PSMD14: variants seen among roughly 807,000 people sequenced by gnomAD.
PSMD14 encodes the protein ubiquitin C-terminal hydrolase PSMD14.
In PSMD14, 7 loss-of-function variants were observed where a neutral mutation model predicts 41.2. The ratio of observed to expected loss-of-function variants is 0.17; its 90% CI spans 0.10 to 0.32. PSMD14 has a LOEUF of 0.32. PSMD14 is among the 10% of genes least tolerant of loss of function. PSMD14 has a pLI of 1.00. For missense variants in PSMD14, 139 were observed against 375.6 expected (o/e 0.37, Z 5.21); for synonymous variants, 114 against 122.3 (o/e 0.93, Z 0.45).
At chr2:161,397,900 C>T (rs183374402) in intron 10 of PSMD14, among the ~76,000 whole-genome samples, 4 of 152,240 alleles carry the variant, frequency 2.6e-5, no homozygotes, top group South Asian at 2.1e-4. Flanking sequence ...ATAAATCGCT[C>T]ACCGTATTTT....
chr2:161,344,286 A>G (rs1683010518), intron 3 of PSMD14, among the ~76,000 whole-genome samples: 1 of 152,182 alleles, frequency 6.6e-6, no homozygotes, highest in African/African-American at 2.4e-5. Flanking sequence ...TTCATTTCTC[A>G]TAGTTCTGGA....
intron 7 of PSMD14, chr2:161,382,231 C>G (rs546413403): frequency 6.6e-6 from 1 of 151,770 alleles, no homozygotes; most frequent in Non-Finnish European, 1.5e-5. Context: ...AAGCTACTAA[C>G]AAGAAGACAG....
intron 3 of PSMD14, among the ~76,000 whole-genome samples, chr2:161,366,990 C>T (rs1683368093): frequency 6.6e-6 from 1 of 152,144 alleles, no homozygotes; most frequent in Non-Finnish European, 1.5e-5. Context: ...AGGTGACATG[C>T]AGAGGATGTT....
intron 3 of PSMD14, among the ~76,000 whole-genome samples, chr2:161,349,981 G>T (rs1683096583): frequency 6.6e-6 from 1 of 152,184 alleles, no homozygotes; most frequent in Non-Finnish European, 1.5e-5. Flanking sequence ...GATTTAATTT[G>T]TATTCTTTTC....
chr2:161,408,043 G>GA (rs1241278224), intron 10 of PSMD14: 1 of 152,004 alleles, frequency 6.6e-6, no homozygotes, highest in African/African-American at 2.4e-5. Flanking sequence ...AATTATTTCA[G>GA]AATTACTCTG....
At chr2:161,371,073 CTCT>C in intron 6 of PSMD14, 96 bp from the exon 7 acceptor site, 1 of 1,319,186 alleles carries the variant, frequency 7.6e-7, no homozygotes, top group Non-Finnish European at 1.0e-6. Context: ...TGTTTTTCAT[CTCT>C]TCTTAATTTA....
intron 8 of PSMD14, among the ~76,000 whole-genome samples, chr2:161,388,122 T>C (rs1451872620): frequency 6.6e-6 from 1 of 152,114 alleles, no homozygotes; most frequent in African/African-American, 2.4e-5. Flanking sequence ...AGTGTCACAG[T>C]AAATTTGAAG....
chr2:161,390,762 C>T (rs1351454469), intron 8 of PSMD14, among the ~76,000 whole-genome samples: 2 of 151,982 alleles, frequency 1.3e-5, no homozygotes, highest in Non-Finnish European at 2.9e-5. Flanking sequence ...ACCCATGAGC[C>T]CCCTAGATAT....
intron 10 of PSMD14, chr2:161,407,624 A>G (rs1683964926): frequency 1.3e-5 from 2 of 152,078 alleles, no homozygotes; most frequent in Admixed American, 1.3e-4. Context: ...TTTATGGGGA[A>G]TGTCTGATGA....
At chr2:161,406,490 T>G (rs976300811) in intron 10 of PSMD14, among the ~76,000 whole-genome samples, 6 of 152,212 alleles carry the variant, frequency 3.9e-5, no homozygotes, top group Non-Finnish European at 7.4e-5. Context: ...GAATTTCATT[T>G]GTTTCTGCTG....
intron 7 of PSMD14, among the ~76,000 whole-genome samples, chr2:161,374,822 T>C (rs1435458902): frequency 1.3e-5 from 2 of 151,978 alleles, no homozygotes; most frequent in Non-Finnish European, 2.9e-5. Context: ...GGCAAAATCA[T>C]AAAACTAGCA....
intron 6 of PSMD14, among the ~76,000 whole-genome samples, chr2:161,370,683 C>G (rs1683419805): frequency 2.6e-5 from 4 of 152,078 alleles, no homozygotes; most frequent in Admixed American, 2.0e-4. Context: ...TTAATGTTAG[C>G]AAAAGGCTCA....
At chr2:161,402,789 T>A (rs562017379) in intron 10 of PSMD14, among the ~76,000 whole-genome samples, 1 of 152,154 alleles carries the variant, frequency 6.6e-6, no homozygotes, top group East Asian at 1.9e-4. Flanking sequence ...GATAGAAATT[T>A]CCCAGAGAAG....
At chr2:161,331,748 A>T (rs1682793710) in intron 3 of PSMD14, among the ~76,000 whole-genome samples, 1 of 152,142 alleles carries the variant, frequency 6.6e-6, no homozygotes, top group Non-Finnish European at 1.5e-5. Context: ...TGTGTATTAA[A>T]ATTTTCCTCT....
intron 3 of PSMD14, among the ~76,000 whole-genome samples, chr2:161,328,421 CAT>C (rs1403777969): frequency 7.9e-5 from 12 of 152,090 alleles, no homozygotes; most frequent in Non-Finnish European, 5.9e-5. Context: ...ATTTAAAAAA[CAT>C]AAAGTAACAC....
At chr2:161,393,746 G>GA (rs1276638244) in intron 9 of PSMD14, among the ~76,000 whole-genome samples, 2 of 151,738 alleles carry the variant, frequency 1.3e-5, no homozygotes, top group African/African-American at 2.4e-5. Flanking sequence ...CATCCAAAGG[G>GA]AAAAAACTTC....
At position 161,357,772 on chromosome 2, in the gene PSMD14, C is replaced by T. The variant is rs139476612; in HGVS notation, c.49-9706C>T. Among the ~76,000 whole-genome samples the T allele has an allele frequency of 3.3e-5, 5 of 152,162 alleles. 1 individual carries two copies. Among genetic ancestry groups the T allele is most frequent in the East Asian group, 3.9e-4 (2 of 5,184 alleles). The stretch of plus-strand genomic sequence containing the variant: ...TTTTATAGTGGCATTGTATGAAAGA[C>T]GAGACTATTTTATGTAGCTTAAGTA... On this transcript the variant is annotated intron_variant, in intron 3 of 11. Transcript: ENST00000409682.
chr2:161,379,488 G>A (rs950433023), intron 7 of PSMD14, among the ~76,000 whole-genome samples: 1 of 151,984 alleles, frequency 6.6e-6, no homozygotes, highest in East Asian at 1.9e-4. Context: ...ATATCTTAAA[G>A]CGTCACTCTC....
At chr2:161,395,577 A>G (rs978137909) in intron 10 of PSMD14, among the ~76,000 whole-genome samples, 1 of 152,192 alleles carries the variant, frequency 6.6e-6, no homozygotes, top group Non-Finnish European at 1.5e-5. Flanking sequence ...TATAGATAAC[A>G]ACAGCACTTA....
Sources: gnomAD v4.1 joint callset for allele counts (sites outside exome capture counted in the v4.1 genomes callset) on GRCh38, gnomAD v4.1.1 for gene constraint, MANE v1.5 for transcripts, NCBI Gene and HGNC (gene_info 2026-07-23, HGNC 2026-07-21) for gene names.